ATG2A: variants seen among roughly 807,000 people sequenced by gnomAD.
The protein encoded by ATG2A is autophagy related 2A.
In ATG2A, 103 loss-of-function variants were observed where a neutral mutation model predicts 214.2. That is an observed-to-expected ratio of 0.48 (90% CI 0.41 to 0.57). The LOEUF (loss-of-function observed/expected upper bound fraction) is 0.57. Ranked by LOEUF, ATG2A falls within the 20% of genes least tolerant of loss-of-function variation. ATG2A has a pLI of 0.00. For synonymous variants in ATG2A, 1,160 were observed against 1,142.1 expected (o/e 1.02, Z -0.32); for missense variants, 2,312 against 2,613.2 (o/e 0.88, Z 2.51).
rs778308143 is a variant in ATG2A, at chr11:64,907,799, C to T, written c.2456G>A (p.Ser819Asn). Reference protein sequence around the residue: ...SRCSLEVILPSVHIFLPSKEV... With the variant: ...SRCSLEVILPNVHIFLPSKEV... ...CTTGCTGGGCAGAAAGATGTGGACA[C>T]TGGGCAGGATCACTTCCAGGCTGCA... The change falls in exon 17 of 41, where the codon AGT becomes AAT. Residue 819 changes from serine to asparagine, a missense_variant. Transcript: ENST00000377264. The T allele has an allele frequency of 6.2e-7, 1 of 1,613,516 alleles. No homozygotes were observed. The highest frequency in any genetic ancestry group is 8.5e-7 in the Non-Finnish European group (1 of 1,179,984).
In ATG2A at chr11:64,895,423, T is replaced by C. The variant is rs866299313; in HGVS notation, c.5447A>G (p.Tyr1816Cys). The stretch of plus-strand genomic sequence containing the variant: ...GGGGGCTGCCGGGGACAGGATGTCA[T>C]ACACGGTCTCAGCTGTGGCCTGGGG... ...QAIQATAETV[Y>C]DILSPAAPVS... Residue 1816 changes from tyrosine to cysteine, a missense_variant, in exon 40 of 41, where the codon TAT becomes TGT. Physicochemically the swap from Tyr to Cys is radical, Grantham distance 194. Coordinates refer to ENST00000377264, the MANE Select transcript of ATG2A (RefSeq NM_015104.3). This position sits in a 1 kb window ranked among gnomAD's most constrained non-coding sequence, Gnocchi z 5.0. The C allele has an allele frequency of 6.3e-7, 1 of 1,599,066 alleles. No individual in the cohort carries two copies. Among genetic ancestry groups the C allele is most frequent in the South Asian group, 1.1e-5 (1 of 89,462 alleles).
rs1264040221 is a variant in ATG2A, at chr11:64,912,427, G to A, written c.826-4C>T. The A allele has an allele frequency of 1.3e-6, 2 of 1,546,946 alleles. No individual in the cohort carries two copies. The highest frequency in any genetic ancestry group is 1.2e-5 in the South Asian group (1 of 83,884). On this transcript the variant is annotated splice_polypyrimidine_tract_variant and splice_region_variant and intron_variant, in intron 6 of 40. Transcript: ENST00000377264. ...CCAGCTGTCCCGCCACCTCCAACTG[G>A]GGGCCAAGGAGGCAGCCATGGAGCC...
chr11:64,911,238 G>T lies in ATG2A; in HGVS notation c.1266C>A (p.Arg422=), dbSNP rs1944760976. 1 of 1,613,918 alleles carries T rather than the reference G, an allele frequency of 6.2e-7. No homozygotes were observed. Among genetic ancestry groups the T allele is most frequent in the African/African-American group, 1.3e-5 (1 of 74,940 alleles). ...MAPNPLLDTM[R]PDSLLKMTLG... is the part of the protein sequence containing the mutation. ...AGGTCATCTTCAGCAGCGAGTCAGG[G>T]CGCATGGTGTCCAGGAGGGGGTTGG... Residue 422 remains arginine (R), a synonymous_variant, in exon 10 of 41, where the codon CGC becomes CGA. Coordinates refer to ENST00000377264, the MANE Select transcript of ATG2A (RefSeq NM_015104.3).
chr11:64,910,028 GGGGCCTCTCACCAGCA>G lies in ATG2A; in HGVS notation c.1859_1863+11del. On this transcript the variant is annotated splice_donor_variant and splice_donor_5th_base_variant and coding_sequence_variant and intron_variant, in exon 13 of 41. Transcript: ENST00000377264. LOFTEE classifies it high-confidence loss of function. ...ACCCACCCCCGGCCTGGCCCTGGCA[GGGGCCTCTCACCAGCA>G]GGCCGGCTGGAGGCTCAGCAGGTAC... The G allele has an allele frequency of 1.3e-6, 2 of 1,564,858 alleles. No homozygotes were observed. Among genetic ancestry groups the G allele is most frequent in the Non-Finnish European group, 1.7e-6 (2 of 1,156,242 alleles).
At chr11:64,899,232 C>G (rs1487525555) in intron 31 of ATG2A, among the ~76,000 whole-genome samples, 1 of 152,198 alleles carries the variant, frequency 6.6e-6, no homozygotes, top group African/African-American at 2.4e-5. Context: ...CTATGCCCAG[C>G]AGGGACCTGC....
intron 20 of ATG2A, 41 bp downstream of exon 20, chr11:64,906,624 A>C: frequency 6.2e-7 from 1 of 1,610,582 alleles, no homozygotes; most frequent in Non-Finnish European, 8.5e-7. Context: ...CTCCACCCCC[A>C]ACCCTGGACC....
chr11:64,912,583 A>C, intron 6 of ATG2A, 160 bp from the exon 7 acceptor site: 3 of 604,990 alleles, frequency 5.0e-6, no homozygotes, highest in Non-Finnish European at 8.5e-6. Flanking sequence ...TTGACCTCTC[A>C]GCCTCAGTTT....
Position 64,898,253 on chromosome 11 carries a change from C to G in ATG2A, c.4773+8G>C, listed in dbSNP as rs199922623. 411 of 1,613,856 alleles carry G rather than the reference C, an allele frequency of 2.5e-4. 3 individuals carry two copies. The East Asian group carries it at 9.0e-3, about 35-fold the overall frequency. On this transcript the variant is annotated splice_region_variant and intron_variant, in intron 33 of 40. Coordinates refer to ENST00000377264, the MANE Select transcript of ATG2A (RefSeq NM_015104.3). This position sits in a 1 kb window ranked among gnomAD's most constrained non-coding sequence, Gnocchi z 4.5. ...ACCCTAGGCTCTGCCCTCACGTAGA[C>G]CACTCACCTGGTCCACATTGAGCCG...
In ATG2A at chr11:64,902,691, G is replaced by T. The variant is rs780209150; in HGVS notation, c.3613-11C>A. The T allele has an allele frequency of 6.2e-7, 1 of 1,604,002 alleles. No individual in the cohort carries two copies. The highest frequency in any genetic ancestry group is 8.5e-7 in the Non-Finnish European group (1 of 1,175,136). Reference sequence around the variant, plus strand: ...GAATAGTGGCTGGCTCTGCAGGGGCGGGGTGGGGGGAGCAGCTATGTGAAC... The same window carrying T: ...GAATAGTGGCTGGCTCTGCAGGGGCTGGGTGGGGGGAGCAGCTATGTGAAC... On this transcript the variant is annotated splice_polypyrimidine_tract_variant and intron_variant, in intron 26 of 40. Coordinates refer to ENST00000377264, the MANE Select transcript of ATG2A (RefSeq NM_015104.3).
intron 16 of ATG2A, among the ~76,000 whole-genome samples, chr11:64,908,785 C>T (rs1373241986): frequency 6.6e-6 from 1 of 152,204 alleles, no homozygotes; most frequent in Non-Finnish European, 1.5e-5. Context: ...CCCCAGGGGC[C>T]TGCCCTCACC....
chr11:64,911,795 TC>T, intron 9 of ATG2A, 46 bp downstream of exon 9: 1 of 1,608,858 alleles, frequency 6.2e-7, no homozygotes, highest in African/African-American at 1.3e-5. Flanking sequence ...TAAGGCCTCT[TC>T]CAGTCCTTCC....
In ATG2A at chr11:64,909,863, G is replaced by T; in HGVS notation, c.1925C>A (p.Thr642Lys). The T allele has an allele frequency of 6.2e-7, 1 of 1,609,296 alleles. No homozygotes were observed. The highest frequency in any genetic ancestry group is 1.1e-5 in the South Asian group (1 of 90,968). Residue 642 changes from threonine to lysine, a missense_variant, in exon 14 of 41, where the codon ACG (threonine) becomes AAG (lysine). Transcript: ENST00000377264. ...TVFRLSAPRA[T>K]LRLRFPIADL... ...GGCAATGGGGAAGCGCAGCCGCAGC[G>T]TGGCCCGGGGTGCAGAGAGCCGAAA...
Position 64,913,486 on chromosome 11 carries a change from G to A in ATG2A, c.591-85C>T, listed in dbSNP as rs1448941561. 4.5e-5 allele frequency: 65 copies of A among 1,439,192 alleles called. No individual in the cohort carries two copies. Among genetic ancestry groups the A allele is most frequent in the Non-Finnish European group, 5.7e-5 (62 of 1,087,344 alleles). The allele number at this position is 1,439,192 out of a possible 1,614,324, so 89.2% of individuals were successfully genotyped here. On this transcript the variant is annotated intron_variant, in intron 4 of 40. Transcript: ENST00000377264. The surrounding 1 kb of genome is among the most constrained non-coding windows in gnomAD (Gnocchi z 4.3). ...ACACAGTGCTCTGCTCTAGGGGCAC[G>A]GGGTCAGGGAGCCTAGCCTGCAGAG...
chr11:64,914,185 C>T lies in ATG2A; in HGVS notation c.383G>A (p.Ser128Asn). ...CAGACACTCCTGGGCCAGCTGCAGGCTTGTGGTCATGCATGAGGCCCAGCT... is the reference window on the plus strand; with the variant it reads ...CAGACACTCCTGGGCCAGCTGCAGGTTTGTGGTCATGCATGAGGCCCAGCT... ...SQSWASCMTT[S>N]LQLAQECLRD... The change falls in exon 3 of 41, where the codon AGC (serine) becomes AAC (asparagine). Residue 128 changes from serine (S) to asparagine (N), a missense_variant. By Grantham distance (46) the Ser-to-Asn change is conservative. Transcript: ENST00000377264. 1.9e-6 allele frequency: 3 copies of T among 1,553,568 alleles called. No homozygotes were observed. The highest frequency in any genetic ancestry group is 2.6e-6 in the Non-Finnish European group (3 of 1,148,406).
In ATG2A at chr11:64,910,378, C is replaced by T. The variant is rs772466311; in HGVS notation, c.1708-183G>A. 5.9e-4 allele frequency among the ~76,000 whole-genome samples: 90 copies of T among 152,336 alleles called. No individual in the cohort carries two copies. In the Middle Eastern group the frequency reaches 0.014, roughly 23 times the overall value. ...TTACTTATAAAAGCCACCCGACATGCGCCACTCTTAGCAACAGAGGCCAGC... is the reference window on the plus strand; with the variant it reads ...TTACTTATAAAAGCCACCCGACATGTGCCACTCTTAGCAACAGAGGCCAGC... On this transcript the variant is annotated intron_variant, in intron 12 of 40. Transcript: ENST00000377264.
chr11:64,895,176 C>T lies in ATG2A; in HGVS notation c.5614G>A (p.Val1872Met), dbSNP rs773533718. ...ILDTAQTICD[V>M]ASRGHEQKGL... ...TTCTGCTCATGGCCCCGCGATGCCACGTCACAGATGGTCTGAGCTGTATCC... is the reference window on the plus strand; with the variant it reads ...TTCTGCTCATGGCCCCGCGATGCCATGTCACAGATGGTCTGAGCTGTATCC... The change falls in exon 41 of 41, where the codon GTG becomes ATG. Residue 1872 changes from valine to methionine, a missense_variant. Transcript: ENST00000377264. The surrounding 1 kb of genome is among the most constrained non-coding windows in gnomAD (Gnocchi z 5.0). 1.2e-5 allele frequency: 20 copies of T among 1,612,942 alleles called. No individual in the cohort carries two copies. The highest frequency in any genetic ancestry group is 1.6e-5 in the Non-Finnish European group (19 of 1,179,600).
At position 64,894,550 on chromosome 11, in the gene ATG2A, G is replaced by A. The variant is rs948868462; in HGVS notation, c.*423C>T. On this transcript the variant is annotated 3_prime_UTR_variant, in exon 41 of 41. Coordinates refer to ENST00000377264, the MANE Select transcript of ATG2A (RefSeq NM_015104.3). ...CAGAGGATCTGAGAGGGGGGCTGGC[G>A]GTGGGCAGTTTATTCCACTTCATGC... 5 of 469,894 alleles carry A rather than the reference G, an allele frequency of 1.1e-5. No homozygotes were observed. The highest frequency in any genetic ancestry group is 1.7e-5 in the Non-Finnish European group (4 of 236,694). 29.1% of individuals were successfully genotyped at this position (469,894 alleles called of 1,614,324 possible).
intron 28 of ATG2A, 28 bp from the exon 29 acceptor site, chr11:64,902,204 G>T (rs1378411159): frequency 4.3e-6 from 7 of 1,612,684 alleles, no homozygotes; most frequent in East Asian, 2.2e-5. Flanking sequence ...GTTTGGAGAG[G>T]CGCCCACAGT....
In ATG2A at chr11:64,901,332, T is replaced by G. The variant is rs375043972; in HGVS notation, c.4120-240A>C. 2.0e-5 allele frequency among the ~76,000 whole-genome samples: 3 copies of G among 152,308 alleles called. 1 individual carries two copies. Among genetic ancestry groups the G allele is most frequent in the African/African-American group, 7.2e-5 (3 of 41,568 alleles). On this transcript the variant is annotated intron_variant, in intron 29 of 40. Coordinates refer to ENST00000377264, the MANE Select transcript of ATG2A (RefSeq NM_015104.3). The stretch of plus-strand genomic sequence containing the variant: ...CTGAGTAGCAGGGACTGCAGACATG[T>G]GCCACCATATCTGGCTAATTTTATT...
Sources: gnomAD v4.1 joint callset for allele counts (sites outside exome capture counted in the v4.1 genomes callset) on GRCh38, gnomAD v4.1.1 for gene constraint, Gnocchi (gnomAD v3.1) non-coding constraint, MANE v1.5 for transcripts, NCBI Gene and HGNC (gene_info 2026-07-23, HGNC 2026-07-21) for gene names.